UTRN: variants seen among roughly 807,000 people sequenced by gnomAD.
The protein encoded by UTRN is utrophin, also known as dystrophin-related protein 1.
A neutral mutation model predicts 463.9 loss-of-function variants in UTRN; 283 were observed. The observed-to-expected ratio is 0.61, with a 90% CI of 0.55 to 0.67. The LOEUF (loss-of-function observed/expected upper bound fraction) is 0.67. Ranked by LOEUF, UTRN falls within the 30% of genes least tolerant of loss-of-function variation. The pLI is 0.00. For synonymous variants in UTRN, 1,442 were observed against 1,431.5 expected, an observed-to-expected ratio of 1.01 and a Z score of -0.17; for missense variants, 3,922 against 4,084.3, an observed-to-expected ratio of 0.96 and a Z score of 1.08.
At chr6:144,378,059 C>G (rs1780610922) in intron 2 of UTRN, among the ~76,000 whole-genome samples, 1 of 152,126 alleles carries the variant, frequency 6.6e-6, no homozygotes, top group Non-Finnish European at 1.5e-5. Context: ...ACCAGCTTTT[C>G]TTCTTTTTAA....
chr6:144,740,802 A>G (rs1376833859), intron 54 of UTRN, among the ~76,000 whole-genome samples: 1 of 152,210 alleles, frequency 6.6e-6, no homozygotes, highest in African/African-American at 2.4e-5. Flanking sequence ...TAAATAAACA[A>G]TAGTCTTCAT....
intron 52 of UTRN, 126 bp from the exon 53 acceptor site, chr6:144,699,961 C>A (rs544466681): frequency 2.8e-6 from 2 of 718,340 alleles, no homozygotes; most frequent in Non-Finnish European, 3.9e-6. Context: ...AGGAGTCAGT[C>A]TCTTTTGTGG....
intron 25 of UTRN, among the ~76,000 whole-genome samples, chr6:144,479,046 T>A (rs1208636089): frequency 6.6e-6 from 1 of 151,716 alleles, no homozygotes; most frequent in Non-Finnish European, 1.5e-5. Flanking sequence ...CCCTGCTTTT[T>A]AAAAGTGAAA....
chr6:144,599,798 G>T (rs1354478204), intron 51 of UTRN, among the ~76,000 whole-genome samples: 4 of 152,020 alleles, frequency 2.6e-5, no homozygotes, highest in Non-Finnish European at 4.4e-5. Flanking sequence ...GTGTACACAG[G>T]CATACCCCCA....
intron 54 of UTRN, among the ~76,000 whole-genome samples, chr6:144,732,660 T>C (rs1473826989): frequency 1.5e-4 from 5 of 33,942 alleles, no homozygotes; most frequent in Non-Finnish European, 2.8e-4. Context: ...TATGTCATGT[T>C]ATGTTATGTT....
intron 34 of UTRN, among the ~76,000 whole-genome samples, chr6:144,504,222 C>T (rs765979677): frequency 1.4e-4 from 22 of 152,094 alleles, no homozygotes; most frequent in Admixed American, 2.6e-4. Flanking sequence ...TATTTGAATA[C>T]GCTTTATTTC....
chr6:144,290,592 A>G (rs1804134056), intron 1 of UTRN, among the ~76,000 whole-genome samples: 1 of 152,178 alleles, frequency 6.6e-6, no homozygotes. Flanking sequence ...ACATATTACT[A>G]TGAAAAAATT....
At chr6:144,664,799 A>T (rs916959779) in intron 51 of UTRN, among the ~76,000 whole-genome samples, 2 of 151,564 alleles carry the variant, frequency 1.3e-5, no homozygotes, top group African/African-American at 4.8e-5. Flanking sequence ...AACCTCACAA[A>T]CTGTTTCAAA....
chr6:144,316,965 A>G (rs888909057), intron 2 of UTRN, among the ~76,000 whole-genome samples: 3 of 152,252 alleles, frequency 2.0e-5, no homozygotes, highest in Admixed American at 2.0e-4. Context: ...GATTGGTAAG[A>G]TAAGGCCATG....
intron 2 of UTRN, among the ~76,000 whole-genome samples, chr6:144,358,188 A>T (rs930688052): frequency 1.3e-5 from 2 of 152,242 alleles, no homozygotes; most frequent in Admixed American, 1.3e-4. Context: ...TAGTAACAGC[A>T]ATAATGTTAC....
At chr6:144,786,222 T>C (rs557644295) in intron 61 of UTRN, among the ~76,000 whole-genome samples, 2 of 152,182 alleles carry the variant, frequency 1.3e-5, no homozygotes, top group African/African-American at 4.8e-5. Flanking sequence ...ACGTAACCTG[T>C]ACAGTTCAGT....
intron 51 of UTRN, among the ~76,000 whole-genome samples, chr6:144,610,875 C>A (rs1805434124): frequency 6.6e-6 from 1 of 151,696 alleles, no homozygotes; most frequent in Admixed American, 6.6e-5. Flanking sequence ...GACTTTGTTT[C>A]AAAAAAACCA....
chr6:144,693,144 AG>A, intron 52 of UTRN, among the ~76,000 whole-genome samples: 1 of 152,300 alleles, frequency 6.6e-6, no homozygotes. Flanking sequence ...TTTATTGAAT[AG>A]GGAATCATTT....
At chr6:144,719,412 C>T (rs1786854700) in intron 53 of UTRN, among the ~76,000 whole-genome samples, 1 of 152,056 alleles carries the variant, frequency 6.6e-6, no homozygotes. Context: ...CCCATCTCTA[C>T]TAAAAATATA....
At chr6:144,324,794 A>T (rs1393827576) in intron 2 of UTRN, among the ~76,000 whole-genome samples, 1 of 152,258 alleles carries the variant, frequency 6.6e-6, no homozygotes, top group Non-Finnish European at 1.5e-5. Flanking sequence ...ATGGAAGTGG[A>T]AATGAAATAA....
intron 51 of UTRN, among the ~76,000 whole-genome samples, chr6:144,627,193 G>A (rs1776038717): frequency 6.6e-6 from 1 of 151,996 alleles, no homozygotes; most frequent in African/African-American, 2.4e-5. Flanking sequence ...TGGGGGTAGA[G>A]TTGTCTCCAA....
At chr6:144,292,937 A>G (rs570038894) in intron 2 of UTRN, among the ~76,000 whole-genome samples, 50 of 152,344 alleles carry the variant, frequency 3.3e-4, no homozygotes, top group African/African-American at 1.2e-3. Flanking sequence ...TTCCTCCATG[A>G]TACCGGTGTT....
chr6:144,740,581 A>C (rs998625030), intron 54 of UTRN, among the ~76,000 whole-genome samples: 1 of 152,266 alleles, frequency 6.6e-6, no homozygotes, highest in Non-Finnish European at 1.5e-5. Context: ...GCAGAAAAAT[A>C]TAATGTTACT....
intron 2 of UTRN, among the ~76,000 whole-genome samples, chr6:144,306,570 A>G (rs1805759494): frequency 6.6e-6 from 1 of 152,118 alleles, no homozygotes; most frequent in South Asian, 2.1e-4. Flanking sequence ...AGGGCAGTGC[A>G]TAAGGGGATA....
Sources: allele counts gnomAD v4.1 joint callset (sites outside exome capture counted in the v4.1 genomes callset), GRCh38; gene constraint gnomAD v4.1.1; transcripts MANE v1.5; gene names NCBI Gene and HGNC (gene_info 2026-07-23, HGNC 2026-07-21).